Variants in UNC13C observed in about 807,000 individuals in gnomAD.
UNC13C encodes unc-13 homolog C, also known as protein unc-13 homolog C.
UNC13C carries 174 observed loss-of-function variants against 245.4 expected under a neutral mutation model. The observed-to-expected ratio is 0.71, with a 90% confidence interval of 0.63 to 0.80. The LOEUF (loss-of-function observed/expected upper bound fraction) is 0.80. UNC13C is among the 30% of genes least tolerant of loss of function. The pLI is 0.00. For missense variants in UNC13C, 2,829 were observed against 2,602.9 expected (o/e 1.09, Z -1.89); for synonymous variants, 992 against 895.1 (o/e 1.11, Z -1.93).
intron 9 of UNC13C, among the ~76,000 whole-genome samples, 170 bp downstream of exon 9, chr15:54,264,565 T>A (rs1043327417): frequency 1.9e-4 from 28 of 149,840 alleles, no homozygotes; most frequent in Middle Eastern, 6.8e-3. Flanking sequence ...ACTAGATAAG[T>A]GAAATAATTT....
chr15:54,079,024 C>A (rs542388830), intron 2 of UNC13C, among the ~76,000 whole-genome samples: 2 of 152,242 alleles, frequency 1.3e-5, no homozygotes, highest in South Asian at 4.1e-4. Context: ...TAGTCTTCTG[C>A]ATGTGTCTAG....
In UNC13C at chr15:54,532,996, T is replaced by C; in HGVS notation, c.5626T>C (p.Ser1876Pro). The C allele has an allele frequency of 3.1e-6, 5 of 1,600,888 alleles. No individual in the cohort carries two copies. The highest frequency in any genetic ancestry group is 4.3e-6 in the Non-Finnish European group (5 of 1,172,666). ...AATGAGAGCAAATGGAAACACCACA[T>C]CTAATAAGAACAGTGCAGCAATGGA... is the stretch of plus-strand genomic sequence containing the variant. Reference protein sequence around the residue: ...NQMRANGNTTSNKNSAAMDAE... With the variant: ...NQMRANGNTTPNKNSAAMDAE... The change falls in exon 26 of 33, where the codon TCT (serine) becomes CCT (proline). Residue 1876 changes from serine to proline, a missense_variant. Coordinates refer to ENST00000260323, the MANE Select transcript of UNC13C (RefSeq NM_001080534.3).
intron 2 of UNC13C, among the ~76,000 whole-genome samples, chr15:54,081,036 A>G (rs1231297213): frequency 6.6e-6 from 1 of 151,956 alleles, no homozygotes; most frequent in African/African-American, 2.4e-5. Context: ...CAAAATTTTA[A>G]AAACTTCTGC....
intron 4 of UNC13C, among the ~76,000 whole-genome samples, chr15:54,208,919 A>G (rs1196951350): frequency 6.6e-6 from 1 of 152,088 alleles, no homozygotes; most frequent in Non-Finnish European, 1.5e-5. Flanking sequence ...TGACGCAAGA[A>G]CCCTTCCTCT....
intron 4 of UNC13C, among the ~76,000 whole-genome samples, chr15:54,228,759 C>T (rs1717927085): frequency 6.6e-6 from 1 of 152,128 alleles, no homozygotes; most frequent in Non-Finnish European, 1.5e-5. Flanking sequence ...TTCCCTCTCC[C>T]CTCCTTTCCT....
intron 19 of UNC13C, among the ~76,000 whole-genome samples, chr15:54,440,086 T>G (rs1890434629): frequency 6.6e-6 from 1 of 151,732 alleles, no homozygotes; most frequent in Non-Finnish European, 1.5e-5. Context: ...GGGGGTGGGT[T>G]CCCCCATGCT....
chr15:54,168,776 G>T (rs759301932), intron 4 of UNC13C, among the ~76,000 whole-genome samples: 5 of 151,982 alleles, frequency 3.3e-5, no homozygotes, highest in African/African-American at 1.2e-4. Flanking sequence ...AAAAATCAGC[G>T]AAAACTAAAA....
chr15:53,974,518 G>A (rs560783135), upstream of UNC13C, among the ~76,000 whole-genome samples: 16 of 152,296 alleles, frequency 1.1e-4, no homozygotes, highest in South Asian at 3.1e-3. Context: ...AGGCAGATGA[G>A]TAAAATAGTA....
intron 26 of UNC13C, among the ~76,000 whole-genome samples, chr15:54,534,919 T>A (rs537538864): frequency 6.6e-6 from 1 of 152,082 alleles, no homozygotes; most frequent in Non-Finnish European, 1.5e-5. Flanking sequence ...GTGCTAAACA[T>A]GAAAATGAAA....
rs539625798 is a variant in UNC13C at position 54,600,211 on chromosome 15, C to T, written c.6107-22116C>T. ...ATGGTAGCACATATTTGTGTCAGAACGTGGTAGGCCCTGGACTGTGCCTTG... is the reference window on the plus strand; with the variant it reads ...ATGGTAGCACATATTTGTGTCAGAATGTGGTAGGCCCTGGACTGTGCCTTG... On this transcript the variant is annotated intron_variant, in intron 30 of 32. Transcript: ENST00000260323. Among the ~76,000 whole-genome samples the T allele has an allele frequency of 5.3e-5, 8 of 152,132 alleles. No homozygotes were observed. The South Asian group carries it at 8.3e-4, about 16-fold the overall frequency.
Position 54,185,542 on chromosome 15 carries a change from G to C in UNC13C, c.3071+41858G>C, listed in dbSNP as rs551959300. Among the ~76,000 whole-genome samples the C allele has an allele frequency of 8.6e-5, 13 of 150,940 alleles. No individual in the cohort carries two copies. The East Asian group carries it at 2.5e-3, about 29-fold the overall frequency. On this transcript the variant is annotated intron_variant, in intron 4 of 32. Coordinates refer to ENST00000260323, the MANE Select transcript of UNC13C (RefSeq NM_001080534.3). ...TTAAATAGGGAATCCTTTCCCCATT[G>C]CTTGTTTTTGTCAGGTTTGTCAAAG...
At chr15:54,065,197 C>T (rs1444008286) in intron 2 of UNC13C, among the ~76,000 whole-genome samples, 1 of 152,106 alleles carries the variant, frequency 6.6e-6, no homozygotes, top group African/African-American at 2.4e-5. Context: ...TCAGAAAAGT[C>T]CTCAGGGGCC....
chr15:54,243,411 G>T (rs2035911405), intron 7 of UNC13C, among the ~76,000 whole-genome samples: 1 of 152,092 alleles, frequency 6.6e-6, no homozygotes, highest in Admixed American at 6.6e-5. Flanking sequence ...TTGATTCCAT[G>T]TCTTTACTAT....
At chr15:54,407,216 G>T (rs899613602) in intron 18 of UNC13C, among the ~76,000 whole-genome samples, 1 of 151,640 alleles carries the variant, frequency 6.6e-6, no homozygotes. Context: ...GAAAATAGAG[G>T]CAAAGGCATA....
At chr15:54,438,631 G>A (rs901663823) in intron 19 of UNC13C, among the ~76,000 whole-genome samples, 1 of 151,876 alleles carries the variant, frequency 6.6e-6, no homozygotes, top group Admixed American at 6.6e-5. Flanking sequence ...TGTTATCTAG[G>A]TAAAATTTCT....
At chr15:54,099,961 G>A (rs1227231294) in intron 2 of UNC13C, among the ~76,000 whole-genome samples, 2 of 151,878 alleles carry the variant, frequency 1.3e-5, no homozygotes, top group East Asian at 3.9e-4. Flanking sequence ...TTAGCCAGGT[G>A]TGGTGGTGGG....
intron 2 of UNC13C, among the ~76,000 whole-genome samples, chr15:54,125,089 T>C (rs1031930677): frequency 1.3e-5 from 2 of 152,254 alleles, no homozygotes; most frequent in African/African-American, 4.8e-5. Context: ...TTTTATTCTT[T>C]TCTATCAGAG....
At chr15:54,006,008 A>G (rs1895118908) in intron 1 of UNC13C, among the ~76,000 whole-genome samples, 1 of 152,180 alleles carries the variant, frequency 6.6e-6, no homozygotes, top group African/African-American at 2.4e-5. Flanking sequence ...TAAAATAAGG[A>G]GAATGTAAAT....
the UNC13C span, among the ~76,000 whole-genome samples, chr15:53,870,043 C>G: frequency 6.6e-6 from 1 of 152,316 alleles, no homozygotes; most frequent in Admixed American, 6.5e-5. Flanking sequence ...TGTCTATATT[C>G]TATAACTTCA....
Sources: allele counts gnomAD v4.1 joint callset (sites outside exome capture counted in the v4.1 genomes callset), GRCh38; gene constraint gnomAD v4.1.1; transcripts MANE v1.5; gene names NCBI Gene and HGNC (gene_info 2026-07-23, HGNC 2026-07-21).